Variants in SDHAF3 observed in about 807,000 individuals in gnomAD.
SDHAF3 encodes the protein succinate dehydrogenase assembly factor 3, mitochondrial.
Under a neutral mutation model 11.5 loss-of-function variants are expected in SDHAF3, and 18 were observed. The ratio of observed to expected loss-of-function variants is 1.56; its 90% CI spans 1.08 to 2.32. The LOEUF (loss-of-function observed/expected upper bound fraction) is 2.32. SDHAF3 is among the 30% of genes most tolerant of loss of function. The pLI, the probability that SDHAF3 is intolerant of heterozygous loss-of-function variation, is 0.00. For missense variants in SDHAF3, 200 were observed against 154.4 expected, an observed-to-expected ratio of 1.30 and a Z score of -1.57; for synonymous variants, 72 against 59.3, an observed-to-expected ratio of 1.21 and a Z score of -0.99.
At chr7:97,138,571 T>A (rs1788969154) in intron 1 of SDHAF3, among the ~76,000 whole-genome samples, 1 of 151,374 alleles carries the variant, frequency 6.6e-6, no homozygotes, top group African/African-American at 2.4e-5. Context: ...TTTTAATGAT[T>A]ATCTGACGTT....
At chr7:97,177,780 T>C (rs969065281) in intron 1 of SDHAF3, among the ~76,000 whole-genome samples, 2 of 152,254 alleles carry the variant, frequency 1.3e-5, no homozygotes, top group Admixed American at 6.5e-5. Context: ...TTGGTTCTTA[T>C]AATTCCTCAT....
chr7:97,135,204 G>T (rs796245933), intron 1 of SDHAF3: 3 of 151,878 alleles, frequency 2.0e-5, no homozygotes, highest in Non-Finnish European at 4.4e-5. Context: ...TATCAGTAAG[G>T]GTACTCTACA....
At chr7:97,161,329 A>T (rs1190556465) in intron 1 of SDHAF3, among the ~76,000 whole-genome samples, 3 of 152,196 alleles carry the variant, frequency 2.0e-5, no homozygotes, top group African/African-American at 7.2e-5. Context: ...ATCATAAGTC[A>T]GCAAGCATCT....
chr7:97,142,040 G>GTTTTTTTT (rs1474413744), intron 1 of SDHAF3, among the ~76,000 whole-genome samples: 1 of 87,916 alleles, frequency 1.1e-5, no homozygotes, highest in African/African-American at 4.3e-5. Flanking sequence ...GTGAATTGTT[G>GTTTTTTTT]TCTTTTTTTT....
intron 1 of SDHAF3, among the ~76,000 whole-genome samples, chr7:97,127,497 A>G (rs1380006872): frequency 6.6e-6 from 1 of 152,166 alleles, no homozygotes; most frequent in Admixed American, 6.5e-5. Flanking sequence ...TTTTTCTTAT[A>G]TATGATTTTG....
chr7:97,149,763 T>C (rs1789189964), intron 1 of SDHAF3, among the ~76,000 whole-genome samples: 1 of 152,190 alleles, frequency 6.6e-6, no homozygotes, highest in South Asian at 2.1e-4. Context: ...TGCTGAAGTT[T>C]AGGGTAGCTG....
chr7:97,139,805 A>G (rs1789002223), intron 1 of SDHAF3, among the ~76,000 whole-genome samples: 1 of 152,188 alleles, frequency 6.6e-6, no homozygotes, highest in African/African-American at 2.4e-5. Flanking sequence ...TATCCTCTGT[A>G]TGCTGTTAGT....
chr7:97,157,444 G>A (rs200107873), intron 1 of SDHAF3, among the ~76,000 whole-genome samples: 17 of 152,144 alleles, frequency 1.1e-4, no homozygotes, highest in South Asian at 2.1e-4. Context: ...TTAGAATGGC[G>A]ATCATTAAAA....
intron 1 of SDHAF3, among the ~76,000 whole-genome samples, chr7:97,142,155 GC>G (rs1391994620): frequency 7.2e-6 from 1 of 139,004 alleles, no homozygotes; most frequent in African/African-American, 2.6e-5. Context: ...CCGAGTTCAA[GC>G]AATTCTCCTG....
intron 1 of SDHAF3, among the ~76,000 whole-genome samples, chr7:97,149,020 C>G (rs1215039413): frequency 6.6e-6 from 1 of 151,434 alleles, no homozygotes; most frequent in African/African-American, 2.4e-5. Context: ...GCCTCAACTT[C>G]CCAGGCCAAA....
At chr7:97,174,775 GACTT>G (rs1789655362) in intron 1 of SDHAF3, among the ~76,000 whole-genome samples, 1 of 152,218 alleles carries the variant, frequency 6.6e-6, no homozygotes, top group Non-Finnish European at 1.5e-5. Flanking sequence ...AGGGCAGTGT[GACTT>G]ACTACTGGTC....
intron 1 of SDHAF3, among the ~76,000 whole-genome samples, chr7:97,152,943 C>A (rs1334693090): frequency 6.6e-6 from 1 of 152,232 alleles, no homozygotes; most frequent in Non-Finnish European, 1.5e-5. Flanking sequence ...GGATTACAGG[C>A]ATGAACCACT....
At chr7:97,134,167 C>G (rs1791712005) in intron 1 of SDHAF3, among the ~76,000 whole-genome samples, 1 of 152,236 alleles carries the variant, frequency 6.6e-6, no homozygotes, top group Non-Finnish European at 1.5e-5. Context: ...GCTACAGCAG[C>G]TACCTGGGTG....
intron 1 of SDHAF3, among the ~76,000 whole-genome samples, chr7:97,153,713 A>G (rs773239218): frequency 3.3e-5 from 5 of 152,008 alleles, no homozygotes; most frequent in Admixed American, 6.6e-5. Flanking sequence ...CGTTTTGGTG[A>G]CCATTTTATA....
At chr7:97,126,803 A>G (rs894714876) in intron 1 of SDHAF3, among the ~76,000 whole-genome samples, 4 of 149,574 alleles carry the variant, frequency 2.7e-5, no homozygotes, top group Non-Finnish European at 5.9e-5. Context: ...AGGCAAGTGA[A>G]CGGTTCTGTC....
At chr7:97,119,495 G>A (rs996750248) in intron 1 of SDHAF3, among the ~76,000 whole-genome samples, 14 of 152,178 alleles carry the variant, frequency 9.2e-5, no homozygotes, top group African/African-American at 3.4e-4. Context: ...ACATACAGAA[G>A]AGTTAGAAAG....
Position 97,141,448 on chromosome 7 carries a change from C to T in SDHAF3, c.174+23551C>T, listed in dbSNP as rs772231892. On this transcript the variant is annotated intron_variant, in intron 1 of 1. Transcript: ENST00000432641. ...ACCTGCCAACATGTGATGTCTTCCC[C>T]GGACACCCAGCTTTAAAATTTCTCT... 4.6e-5 allele frequency among the ~76,000 whole-genome samples: 7 copies of T among 152,220 alleles called. No homozygotes were observed. The East Asian group carries it at 5.8e-4, about 13-fold the overall frequency.
At chr7:97,138,505 A>T (rs1012866412) in intron 1 of SDHAF3, among the ~76,000 whole-genome samples, 6 of 152,140 alleles carry the variant, frequency 3.9e-5, no homozygotes, top group African/African-American at 1.2e-4. Flanking sequence ...GAGTTTATTT[A>T]AAAAATATGT....
chr7:97,157,739 T>C (rs1789326702), intron 1 of SDHAF3, among the ~76,000 whole-genome samples: 1 of 152,082 alleles, frequency 6.6e-6, no homozygotes, highest in African/African-American at 2.4e-5. Context: ...AATGATAGAC[T>C]GGATTAAGAA....
Sources: gnomAD v4.1 joint callset for allele counts (sites outside exome capture counted in the v4.1 genomes callset) on GRCh38, gnomAD v4.1.1 for gene constraint, MANE v1.5 for transcripts, NCBI Gene and HGNC (gene_info 2026-07-23, HGNC 2026-07-21) for gene names.